TRAP1: variants seen among roughly 807,000 people sequenced by gnomAD.
TRAP1 encodes the protein heat shock protein 75 kDa, mitochondrial.
A neutral mutation model predicts 89.1 loss-of-function variants in TRAP1; 102 were observed. That is an observed-to-expected ratio of 1.15 (90% CI 0.98 to 1.35). The LOEUF is 1.35. Among genes scored for constraint, TRAP1 ranks in the 40% most tolerant of loss-of-function variants. The pLI is 0.00. For synonymous variants in TRAP1, 508 were observed against 388.0 expected (o/e 1.31, Z -3.64); for missense variants, 1,256 against 945.3 (o/e 1.33, Z -4.31).
chr16:3,686,617 C>T (rs1224934792), intron 3 of TRAP1, among the ~76,000 whole-genome samples: 1 of 152,170 alleles, frequency 6.6e-6, no homozygotes, highest in Non-Finnish European at 1.5e-5. Flanking sequence ...GTGCCTGGCC[C>T]TTTTCAGGAT....
chr16:3,695,555 A>C (rs973294566), intron 1 of TRAP1, among the ~76,000 whole-genome samples: 3 of 150,188 alleles, frequency 2.0e-5, no homozygotes, highest in Non-Finnish European at 4.4e-5. Flanking sequence ...AAAAAAAGAA[A>C]AGAAAAAGAA....
At position 3,664,477 on chromosome 16, in the gene TRAP1, G is replaced by A; in HGVS notation, c.1384-18C>T. On this transcript the variant is annotated intron_variant, in intron 12 of 17. Coordinates refer to ENST00000246957, the MANE Select transcript of TRAP1 (RefSeq NM_016292.3). ...ATGTCCTCCTAGAAGGGACGGGGCA[G>A]GTCACCACTTATTCCAGGCCCATGG... is the stretch of plus-strand genomic sequence containing the variant. 1 of 1,598,680 alleles carries A rather than the reference G, an allele frequency of 6.3e-7. No homozygotes were observed. The highest frequency in any genetic ancestry group is 8.5e-7 in the Non-Finnish European group (1 of 1,174,142).
At chr16:3,704,846 CTTA>C (rs2051418529) in intron 1 of TRAP1, among the ~76,000 whole-genome samples, 1 of 151,614 alleles carries the variant, frequency 6.6e-6, no homozygotes, top group Admixed American at 6.6e-5. Context: ...AGACCAACCT[CTTA>C]TTTTTTTTTT....
Position 3,658,117 on chromosome 16 carries a change from G to A in TRAP1, c.*12C>T, listed in dbSNP as rs766207503. On this transcript the variant is annotated 3_prime_UTR_variant, in exon 18 of 18. Coordinates refer to ENST00000246957, the MANE Select transcript of TRAP1 (RefSeq NM_016292.3). ...GTCATCTGTGGTGTCAGTCCTTCTG[G>A]CCCCCTGGCTGTCAGTGTCGCTCCA... 1.2e-6 allele frequency: 2 copies of A among 1,612,944 alleles called. No homozygotes were observed. Among genetic ancestry groups the A allele is most frequent in the Non-Finnish European group, 8.5e-7 (1 of 1,179,136 alleles).
intron 3 of TRAP1, among the ~76,000 whole-genome samples, chr16:3,688,283 G>A (rs113709659): frequency 1.3e-5 from 2 of 151,984 alleles, no homozygotes; most frequent in Admixed American, 6.6e-5. Context: ...TTACAGGTGT[G>A]GGTCACCGCA....
intron 14 of TRAP1, 141 bp downstream of exon 14, chr16:3,663,283 G>A (rs2050730725): frequency 1.8e-6 from 2 of 1,095,634 alleles, no homozygotes; most frequent in African/African-American, 3.2e-5. Flanking sequence ...CAGTCACCAG[G>A]GTGCTCCCAC....
intron 1 of TRAP1, among the ~76,000 whole-genome samples, chr16:3,705,031 A>G (rs1277426126): frequency 6.6e-6 from 1 of 152,126 alleles, no homozygotes; most frequent in East Asian, 1.9e-4. Context: ...GTTTTAGTAT[A>G]TTCACAAAGT....
At chr16:3,668,530 G>A (rs2050868303) in intron 11 of TRAP1, among the ~76,000 whole-genome samples, 1 of 152,176 alleles carries the variant, frequency 6.6e-6, no homozygotes, top group Admixed American at 6.5e-5. Context: ...TCCTCTCACA[G>A]GATTCGAGGA....
At chr16:3,712,400 G>A (rs956240956) in intron 1 of TRAP1, among the ~76,000 whole-genome samples, 2 of 149,410 alleles carry the variant, frequency 1.3e-5, no homozygotes, top group African/African-American at 4.9e-5. Context: ...TTGTCACATG[G>A]TATTTACTGA....
chr16:3,685,083 A>T (rs2151265085), intron 4 of TRAP1, among the ~76,000 whole-genome samples: 1 of 152,300 alleles, frequency 6.6e-6, no homozygotes, highest in Non-Finnish European at 1.5e-5. Flanking sequence ...TCCATTTTCA[A>T]TCATCTGCAA....
chr16:3,703,913 G>A (rs1315747922), intron 1 of TRAP1, among the ~76,000 whole-genome samples: 2 of 150,070 alleles, frequency 1.3e-5, no homozygotes, highest in African/African-American at 2.5e-5. Context: ...TACTCGGGAG[G>A]CTGAGGCAGG....
intron 11 of TRAP1, among the ~76,000 whole-genome samples, chr16:3,669,087 C>A (rs1259181045): frequency 6.6e-6 from 1 of 152,218 alleles, no homozygotes; most frequent in East Asian, 1.9e-4. Flanking sequence ...CCTGTGGCCA[C>A]TCCTGGGCAG....
intron 9 of TRAP1, among the ~76,000 whole-genome samples, chr16:3,674,078 C>A (rs1447442913): frequency 6.6e-6 from 1 of 152,198 alleles, no homozygotes; most frequent in Non-Finnish European, 1.5e-5. Context: ...CACCCAGAGG[C>A]ATCTGTTCTT....
Position 3,677,552 on chromosome 16 carries a change from A to T in TRAP1, c.650T>A (p.Val217Asp). ...CCCCGGGGCTGCCGAGCGGGAATAG[A>T]CCTCCACTCTGTCAGCCACCATGAA... ...SAFMVADRVE[V>D]YSRSAAPGSL... The change falls in exon 6 of 18, where the codon GTC (valine) becomes GAC (aspartate). Residue 217 changes from valine (V) to aspartate (D), a missense_variant. Val to Asp is a radical substitution (Grantham distance 152). Transcript: ENST00000246957. 1 of 1,614,028 alleles carries T rather than the reference A, an allele frequency of 6.2e-7. No individual in the cohort carries two copies. Among genetic ancestry groups the T allele is most frequent in the Non-Finnish European group, 8.5e-7 (1 of 1,180,016 alleles).
chr16:3,659,888 T>C (rs1482134105), intron 16 of TRAP1: 4 of 152,192 alleles, frequency 2.6e-5, no homozygotes, highest in Non-Finnish European at 5.9e-5. Flanking sequence ...TAACTGGGAT[T>C]ACAGGCACCC....
chr16:3,675,956 A>C (rs2151256276), intron 7 of TRAP1, 80 bp downstream of exon 7: 1 of 1,265,068 alleles, frequency 7.9e-7, no homozygotes, highest in Non-Finnish European at 1.1e-6. Flanking sequence ...AGGTAGAACC[A>C]GGGAAAATGC....
At chr16:3,668,224 A>G (rs1269932430) in intron 11 of TRAP1, among the ~76,000 whole-genome samples, 1 of 148,188 alleles carries the variant, frequency 6.7e-6, no homozygotes, top group Non-Finnish European at 1.5e-5. Flanking sequence ...GCCCAGCCTA[A>G]TTTTTCTATT....
In TRAP1 at chr16:3,705,863, A is replaced by AT. The variant is rs1022505445; in HGVS notation, c.88+11557dup. ...CCCGGCTAATTTTATATATATATATATTTTTTTTTAGTAGAGACGGGGTTT... is the reference window on the plus strand; with the variant it reads ...CCCGGCTAATTTTATATATATATATATTTTTTTTTTAGTAGAGACGGGGTTT... On this transcript the variant is annotated intron_variant, in intron 1 of 17. Transcript: ENST00000246957. Among the ~76,000 whole-genome samples the AT allele has an allele frequency of 4.8e-4, 72 of 148,868 alleles. 1 individual carries two copies. Among genetic ancestry groups the AT allele is most frequent in the African/African-American group, 1.1e-3 (46 of 40,022 alleles).
intron 10 of TRAP1, 141 bp downstream of exon 10, chr16:3,672,559 A>G (rs1042009871): frequency 7.4e-7 from 1 of 1,346,080 alleles, no homozygotes; most frequent in African/African-American, 1.5e-5. Context: ...TGTAAACGCG[A>G]CTGACACACA....
Sources: allele counts gnomAD v4.1 joint callset (sites outside exome capture counted in the v4.1 genomes callset), GRCh38; gene constraint gnomAD v4.1.1; transcripts MANE v1.5; gene names NCBI Gene and HGNC (gene_info 2026-07-23, HGNC 2026-07-21).